Variants in NKIRAS1 observed in about 807,000 individuals in gnomAD.
NKIRAS1 encodes NFKB inhibitor interacting Ras like 1.
A neutral mutation model predicts 19.8 loss-of-function variants in NKIRAS1; 16 were observed. The observed-to-expected ratio is 0.81, with a 90% CI of 0.55 to 1.23. The LOEUF (loss-of-function observed/expected upper bound fraction) is 1.23. Ranked by LOEUF, NKIRAS1 falls within the 50% of genes most tolerant of loss-of-function variation. The pLI, the probability that NKIRAS1 is intolerant of heterozygous loss-of-function variation, is 0.00. For synonymous variants in NKIRAS1, 88 were observed against 79.0 expected, an observed-to-expected ratio of 1.11 and a Z score of -0.61; for missense variants, 184 against 220.0, an observed-to-expected ratio of 0.84 and a Z score of 1.04.
At chr3:23,917,936 G>A (rs1704747818), upstream of NKIRAS1, 8 of 1,613,598 alleles carry the variant, frequency 5.0e-6, no homozygotes, top group East Asian at 8.9e-5. Context: ...CTGAGGGTCC[G>A]CTGCTGGCAG....
chr3:23,901,791 G>A (rs1247816378), intron 3 of NKIRAS1, among the ~76,000 whole-genome samples: 1 of 152,182 alleles, frequency 6.6e-6, no homozygotes, highest in Admixed American at 6.5e-5. Flanking sequence ...TTAAATATGA[G>A]GCCAGGCACG....
At chr3:23,912,407 A>C (rs1305120488) in intron 1 of NKIRAS1, among the ~76,000 whole-genome samples, 1 of 152,232 alleles carries the variant, frequency 6.6e-6, no homozygotes, top group East Asian at 1.9e-4. Flanking sequence ...TCTCAAAAGA[A>C]GACATTTATG....
At chr3:23,919,006 T>C (rs1472268018), upstream of NKIRAS1, 9 of 603,108 alleles carry the variant, frequency 1.5e-5, no homozygotes, top group Non-Finnish European at 2.6e-5. Context: ...TCAGTCTATG[T>C]GTGTTGTTTT....
At chr3:23,919,592 T>G, upstream of NKIRAS1, 1 of 1,425,356 alleles carries the variant, frequency 7.0e-7, no homozygotes, top group South Asian at 1.6e-5. Context: ...AAAACTAGTC[T>G]GCAGATGTTT....
intron 4 of NKIRAS1, among the ~76,000 whole-genome samples, chr3:23,893,839 T>C (rs1469988074): frequency 6.9e-6 from 1 of 144,178 alleles, no homozygotes; most frequent in Non-Finnish European, 1.5e-5. Context: ...TGCTCTGTAG[T>C]TTGCTAACTG....
rs1375023348 is a variant in NKIRAS1, at chr3:23,916,828, C to A, written c.-184G>T. The stretch of plus-strand genomic sequence containing the variant: ...CAAAGACAGCGGCTCCACCGCGGTA[C>A]GCGGCCACCGGCTTTGGAGCCTGGA... On this transcript the variant is annotated 5_prime_UTR_variant, in exon 1 of 5. Coordinates refer to ENST00000425478, the MANE Select transcript of NKIRAS1 (RefSeq NM_020345.4). 2 of 152,774 alleles carry A rather than the reference C, an allele frequency of 1.3e-5. No individual in the cohort carries two copies. Among genetic ancestry groups the A allele is most frequent in the East Asian group, 3.8e-4 (2 of 5,202 alleles). 9.5% of individuals were successfully genotyped at this position (152,774 alleles called of 1,614,324 possible).
Position 23,927,587 on chromosome 3 carries a change from T to C in NKIRAS1, c.-139-16137A>G, listed in dbSNP as rs1216108000. ...ACATCTGAACTCATTTATTGGCAAT[T>C]CTCATTGTCATTTGGAGAGAAGTTC... On this transcript the variant is annotated intron_variant, in intron 1 of 4. Coordinates refer to the NKIRAS1 transcript ENST00000421515. This position sits in a 1 kb window ranked among gnomAD's most constrained non-coding sequence, Gnocchi z 4.0. 6.6e-6 allele frequency among the ~76,000 whole-genome samples: 1 copy of C among 152,216 alleles called. No homozygotes were observed. Among genetic ancestry groups the C allele is most frequent in the African/African-American group, 2.4e-5 (1 of 41,444 alleles).
At chr3:23,932,309 A>G (rs1246507874) in intron 1 of NKIRAS1, among the ~76,000 whole-genome samples, 1 of 152,142 alleles carries the variant, frequency 6.6e-6, no homozygotes. Context: ...TTCTATACTA[A>G]ATGATATACA....
chr3:23,900,489 G>A (rs112177746), intron 4 of NKIRAS1, among the ~76,000 whole-genome samples: 71 of 151,764 alleles, frequency 4.7e-4, no homozygotes, highest in African/African-American at 1.5e-3. Flanking sequence ...ATAAAAATTA[G>A]CCGGGCATAG....
At chr3:23,910,156 C>CA (rs1491347906) in intron 3 of NKIRAS1, among the ~76,000 whole-genome samples, 8 of 96,558 alleles carry the variant, frequency 8.3e-5, no homozygotes, top group African/African-American at 3.3e-4. Flanking sequence ...TGCGCTCGGC[C>CA]TTTTTTTTTT....
chr3:23,925,056 T>G (rs1390484581), intron 1 of NKIRAS1, among the ~76,000 whole-genome samples: 2 of 152,210 alleles, frequency 1.3e-5, no homozygotes, highest in East Asian at 3.8e-4. Context: ...GTAAAGCTTC[T>G]GCTCAGGTTG....
intron 3 of NKIRAS1, among the ~76,000 whole-genome samples, chr3:23,904,613 A>C (rs1216061942): frequency 6.6e-6 from 1 of 151,408 alleles, no homozygotes; most frequent in Non-Finnish European, 1.5e-5. Flanking sequence ...TTTGGAGGAG[A>C]CACTATCCTT....
intron 1 of NKIRAS1, chr3:23,946,268 C>T (rs1263922839): frequency 2.0e-6 from 2 of 985,486 alleles, no homozygotes; most frequent in Non-Finnish European, 2.4e-6. Flanking sequence ...CCCCAAGGCG[C>T]GGACCCCGCG....
chr3:23,945,266 T>C (rs1264082097), intron 1 of NKIRAS1: 1 of 152,620 alleles, frequency 6.6e-6, no homozygotes, highest in Non-Finnish European at 1.5e-5. Context: ...GCGGGTCACA[T>C]GGTCGCGGCT....
chr3:23,913,972 T>C (rs1343777528), intron 1 of NKIRAS1, among the ~76,000 whole-genome samples: 1 of 152,212 alleles, frequency 6.6e-6, no homozygotes, highest in Non-Finnish European at 1.5e-5. Context: ...TTACAGCTAC[T>C]TGTCACATCC....
intron 4 of NKIRAS1, among the ~76,000 whole-genome samples, chr3:23,897,747 T>C (rs1702122148): frequency 1.3e-5 from 2 of 152,122 alleles, no homozygotes; most frequent in African/African-American, 2.4e-5. Flanking sequence ...CTACAGAAAA[T>C]AGCACCCTCA....
chr3:23,892,210 T>A lies in NKIRAS1; in HGVS notation c.*885A>T, dbSNP rs1701519563. ...ATTAATAAAGTTACAGTCAGCCACA[T>A]TGCTTGAGTCTTGCCAAAATCTTTA... is the stretch of plus-strand genomic sequence containing the variant. On this transcript the variant is annotated 3_prime_UTR_variant, in exon 5 of 5. Transcript: ENST00000425478. 6.6e-6 allele frequency: 1 copy of A among 152,372 alleles called. No individual in the cohort carries two copies. The highest frequency in any genetic ancestry group is 2.4e-5 in the African/African-American group (1 of 41,592). 9.4% of individuals were successfully genotyped at this position (152,372 alleles called of 1,614,324 possible).
intron 1 of NKIRAS1, among the ~76,000 whole-genome samples, chr3:23,937,536 G>A (rs1180930853): frequency 6.6e-6 from 1 of 151,428 alleles, no homozygotes; most frequent in Non-Finnish European, 1.5e-5. Context: ...CCTGTTGTTA[G>A]GGCAAGTTTT....
Position 23,893,175 on chromosome 3 carries a change from T to TAC in NKIRAS1, c.497_498dup (p.Lys167ValfsTer31). 1 of 1,613,054 alleles carries TAC rather than the reference T, an allele frequency of 6.2e-7. No individual in the cohort carries two copies. Among genetic ancestry groups the TAC allele is most frequent in the Non-Finnish European group, 8.5e-7 (1 of 1,179,658 alleles). Reference sequence around the variant, plus strand: ...GATTTGCTCTGGGGTTGAGAAAGTTTACTGGCTAATAAAGTGAATGGTTCA... The same window carrying TAC: ...GATTTGCTCTGGGGTTGAGAAAGTTTACACTGGCTAATAAAGTGAATGGTTCA... On this transcript the variant is annotated frameshift_variant, in exon 5 of 5. Coordinates refer to ENST00000425478, the MANE Select transcript of NKIRAS1 (RefSeq NM_020345.4). LOFTEE classifies it high-confidence loss of function.
Sources: gnomAD v4.1 joint callset for allele counts (sites outside exome capture counted in the v4.1 genomes callset) on GRCh38, gnomAD v4.1.1 for gene constraint, Gnocchi (gnomAD v3.1) non-coding constraint, MANE v1.5 for transcripts, NCBI Gene and HGNC (gene_info 2026-07-23, HGNC 2026-07-21) for gene names.